The following ARID5B variants were observed in gnomAD, a reference collection of about 807,000 sequenced individuals.
ARID5B encodes AT-rich interaction domain 5B.
ARID5B carries 13 observed loss-of-function variants against 97.2 expected under a neutral mutation model. The observed-to-expected ratio is 0.13, with a 90% confidence interval of 0.09 to 0.21. The LOEUF (loss-of-function observed/expected upper bound fraction) is 0.21. Among genes scored for constraint, ARID5B ranks in the 10% least tolerant of loss-of-function variants. The probability of loss-of-function intolerance (pLI) is 1.00; values close to 1 mark genes in which losing one functional copy is unlikely to be tolerated. For missense variants in ARID5B, 1,210 were observed against 1,465.3 expected (o/e 0.83, Z 2.84); for synonymous variants, 556 against 570.3 (o/e 0.97, Z 0.36).
intron 3 of ARID5B, among the ~76,000 whole-genome samples, chr10:61,950,845 C>G (rs774196685): frequency 5.3e-5 from 8 of 152,204 alleles, no homozygotes; most frequent in Non-Finnish European, 1.0e-4. Flanking sequence ...TGATTACTGA[C>G]AGTGAGCCAT....
At chr10:61,946,809 T>C (rs1838244557) in intron 3 of ARID5B, among the ~76,000 whole-genome samples, 1 of 152,100 alleles carries the variant, frequency 6.6e-6, no homozygotes, top group Non-Finnish European at 1.5e-5. Flanking sequence ...TAGTCCGAGC[T>C]ACTCAGGAGG....
chr10:61,919,330 G>A (rs1403537794), intron 2 of ARID5B, among the ~76,000 whole-genome samples: 1 of 152,064 alleles, frequency 6.6e-6, no homozygotes, highest in African/African-American at 2.4e-5. Flanking sequence ...CCCCTAACTT[G>A]AAAATTTGCT....
chr10:61,962,418 C>G (rs1838484607), intron 3 of ARID5B, among the ~76,000 whole-genome samples: 1 of 152,204 alleles, frequency 6.6e-6, no homozygotes, highest in South Asian at 2.1e-4. Context: ...CCATACTCCT[C>G]TCCTAATCAT....
intron 8 of ARID5B, among the ~76,000 whole-genome samples, chr10:62,077,898 T>C (rs1376454010): frequency 6.6e-6 from 1 of 152,184 alleles, no homozygotes; most frequent in South Asian, 2.1e-4. Flanking sequence ...TCAGAAAGCA[T>C]GTTTCCAAAA....
intron 3 of ARID5B, among the ~76,000 whole-genome samples, chr10:61,940,950 TATATATATATATATA>T (rs1358755975): frequency 3.2e-3 from 41 of 12,832 alleles, no homozygotes; most frequent in Non-Finnish European, 7.3e-3. Context: ...TATATATATA[TATATATATATATATA>T]TTTTTTTTTT....
intron 2 of ARID5B, among the ~76,000 whole-genome samples, chr10:61,913,840 C>T (rs1843851412): frequency 6.6e-6 from 1 of 152,224 alleles, no homozygotes; most frequent in Non-Finnish European, 1.5e-5. Flanking sequence ...CAACCTCCGC[C>T]TCCCAGATTC....
chr10:62,059,623 T>A (rs1839897948), intron 7 of ARID5B, among the ~76,000 whole-genome samples: 1 of 152,218 alleles, frequency 6.6e-6, no homozygotes, highest in South Asian at 2.1e-4. Flanking sequence ...GAAATTTCCC[T>A]TGGCAACATA....
chr10:61,912,967 G>A (rs956720709), intron 2 of ARID5B, among the ~76,000 whole-genome samples: 5 of 152,090 alleles, frequency 3.3e-5, no homozygotes, highest in African/African-American at 1.2e-4. Flanking sequence ...TAGAAATAAG[G>A]CAAATTAGCC....
chr10:61,997,741 T>TATAATACAAATCGAGTGTA (rs1163134762), intron 3 of ARID5B, among the ~76,000 whole-genome samples: 1 of 152,142 alleles, frequency 6.6e-6, no homozygotes, highest in Non-Finnish European at 1.5e-5. Context: ...ACAAATCGAG[T>TATAATACAAATCGAGTGTA]ATAATACAAA....
At chr10:62,024,070 G>C (rs1279403315) in intron 4 of ARID5B, among the ~76,000 whole-genome samples, 1 of 152,162 alleles carries the variant, frequency 6.6e-6, no homozygotes, top group Non-Finnish European at 1.5e-5. Context: ...AGCACAGAGT[G>C]CCTTATTCAT....
intron 4 of ARID5B, among the ~76,000 whole-genome samples, chr10:62,002,445 G>A (rs1839091462): frequency 6.6e-6 from 1 of 152,138 alleles, no homozygotes. Flanking sequence ...AATAATTAGA[G>A]TATTAGACAT....
intron 3 of ARID5B, among the ~76,000 whole-genome samples, chr10:61,979,814 G>A (rs966155193): frequency 2.6e-5 from 4 of 152,120 alleles, no homozygotes; most frequent in East Asian, 3.9e-4. Context: ...GTTTTAGGCC[G>A]AGCGTGGTGG....
At chr10:62,034,813 C>A (rs1326334286) in intron 4 of ARID5B, among the ~76,000 whole-genome samples, 4 of 152,220 alleles carry the variant, frequency 2.6e-5, no homozygotes, top group African/African-American at 9.6e-5. Context: ...TACAGATTTG[C>A]TCAGACTTTC....
intron 5 of ARID5B, among the ~76,000 whole-genome samples, chr10:62,054,303 T>C (rs1261923373): frequency 2.9e-4 from 44 of 152,160 alleles, no homozygotes; most frequent in Admixed American, 2.9e-3. Context: ...TGAGAATGCT[T>C]TGGGTAAATG....
intron 4 of ARID5B, among the ~76,000 whole-genome samples, chr10:62,044,612 A>G (rs545709233): frequency 1.4e-4 from 22 of 152,262 alleles, no homozygotes; most frequent in Admixed American, 3.3e-4. Context: ...GTCAAGCAAT[A>G]TTCCCACCTC....
chr10:61,991,604 T>G (rs1012798172), intron 3 of ARID5B, among the ~76,000 whole-genome samples: 3 of 152,212 alleles, frequency 2.0e-5, no homozygotes, highest in African/African-American at 7.2e-5. Flanking sequence ...TGCAAATATT[T>G]TCCCCCTCTC....
At chr10:62,029,586 C>G (rs181159909) in intron 4 of ARID5B, among the ~76,000 whole-genome samples, 43 of 152,272 alleles carry the variant, frequency 2.8e-4, no homozygotes, top group South Asian at 2.5e-3. Context: ...GAATCATTTC[C>G]CCTAATTTAC....
intron 3 of ARID5B, among the ~76,000 whole-genome samples, chr10:61,969,863 G>A (rs771510409): frequency 4.0e-5 from 6 of 151,896 alleles, no homozygotes; most frequent in Non-Finnish European, 5.9e-5. Flanking sequence ...CTTGATTTCC[G>A]TACTAAATTA....
intron 8 of ARID5B, among the ~76,000 whole-genome samples, chr10:62,072,982 A>G (rs1840084257): frequency 1.3e-5 from 2 of 152,246 alleles, no homozygotes; most frequent in South Asian, 4.1e-4. Flanking sequence ...CACAGGTTGC[A>G]TGAACAGATA....
Sources: gnomAD v4.1 joint callset for allele counts (sites outside exome capture counted in the v4.1 genomes callset) on GRCh38, gnomAD v4.1.1 for gene constraint, MANE v1.5 for transcripts, NCBI Gene and HGNC (gene_info 2026-07-23, HGNC 2026-07-21) for gene names.